PPM1L: variants seen among roughly 807,000 people sequenced by gnomAD.
PPM1L encodes the protein protein phosphatase, Mg2+/Mn2+ dependent 1L.
A neutral mutation model predicts 31.4 loss-of-function variants in PPM1L; 13 were observed. The observed-to-expected ratio is 0.41, with a 90% CI of 0.27 to 0.66. The LOEUF is 0.66. Ranked by LOEUF, PPM1L falls within the 30% of genes least tolerant of loss-of-function variation. PPM1L has a pLI of 0.29. For missense variants in PPM1L, 326 were observed against 453.7 expected, an observed-to-expected ratio of 0.72 and a Z score of 2.56; for synonymous variants, 184 against 175.4, an observed-to-expected ratio of 1.05 and a Z score of -0.39.
At chr3:160,965,109 GGC>G (rs1716096396) in intron 2 of PPM1L, among the ~76,000 whole-genome samples, 1 of 151,678 alleles carries the variant, frequency 6.6e-6, no homozygotes, top group Admixed American at 6.6e-5. Flanking sequence ...AAATTAGCCG[GGC>G]GTGGTGGTGG....
At chr3:160,840,111 C>T (rs1368404223) in intron 1 of PPM1L, among the ~76,000 whole-genome samples, 3 of 152,090 alleles carry the variant, frequency 2.0e-5, no homozygotes, top group Non-Finnish European at 4.4e-5. Context: ...ATGAGTGATC[C>T]AGTAGGAACA....
chr3:160,824,960 T>C (rs1360056510), intron 1 of PPM1L, among the ~76,000 whole-genome samples: 1 of 152,146 alleles, frequency 6.6e-6, no homozygotes, highest in Non-Finnish European at 1.5e-5. Flanking sequence ...ATATTCATAT[T>C]TTAATTTGAC....
chr3:160,937,404 A>G (rs1715007541), intron 1 of PPM1L, among the ~76,000 whole-genome samples: 1 of 152,144 alleles, frequency 6.6e-6, no homozygotes, highest in South Asian at 2.1e-4. Flanking sequence ...GTGGATCACA[A>G]GGTCAGGAGA....
intron 2 of PPM1L, among the ~76,000 whole-genome samples, chr3:161,057,157 A>G (rs1258309594): frequency 1.3e-5 from 2 of 152,160 alleles, no homozygotes; most frequent in African/African-American, 4.8e-5. Flanking sequence ...TAAATAAGGC[A>G]TATAAATAGC....
At chr3:160,827,964 T>A (rs1713406703) in intron 1 of PPM1L, among the ~76,000 whole-genome samples, 1 of 151,024 alleles carries the variant, frequency 6.6e-6, no homozygotes, top group Non-Finnish European at 1.5e-5. Context: ...GCAAGAGAGG[T>A]AGGGGAGAGG....
intron 1 of PPM1L, among the ~76,000 whole-genome samples, chr3:160,912,027 T>G (rs1713992389): frequency 6.6e-6 from 1 of 152,090 alleles, no homozygotes; most frequent in South Asian, 2.1e-4. Context: ...TCAGAAGTAG[T>G]GAGAAAGGAG....
chr3:160,891,977 C>A (rs1713163429), intron 1 of PPM1L, among the ~76,000 whole-genome samples: 1 of 152,010 alleles, frequency 6.6e-6, no homozygotes, highest in African/African-American at 2.4e-5. Flanking sequence ...AGGGGAACAT[C>A]ACACACCGGG....
intron 2 of PPM1L, among the ~76,000 whole-genome samples, chr3:161,018,595 T>G (rs955689335): frequency 6.6e-6 from 1 of 152,316 alleles, no homozygotes; most frequent in South Asian, 2.1e-4. Context: ...TTTAGGAATT[T>G]TGTAGCATTT....
At chr3:160,776,444 C>A (rs1207878693) in intron 1 of PPM1L, among the ~76,000 whole-genome samples, 2 of 152,144 alleles carry the variant, frequency 1.3e-5, no homozygotes, top group African/African-American at 4.8e-5. Flanking sequence ...CTTCCCTTGG[C>A]AGTGTTGAAT....
chr3:160,960,561 TGTG>T (rs1559904356), intron 1 of PPM1L, among the ~76,000 whole-genome samples: 129 of 8,994 alleles, frequency 0.014, 1 homozygote, highest in African/African-American at 0.015. Flanking sequence ...AGCAGTTTTG[TGTG>T]TGTGTGTGTG....
chr3:160,844,872 T>G (rs1221699823), intron 1 of PPM1L, among the ~76,000 whole-genome samples: 1 of 152,052 alleles, frequency 6.6e-6, no homozygotes, highest in East Asian at 1.9e-4. Context: ...AAGCAGAAGC[T>G]TTGTACCCAT....
chr3:160,975,492 T>C (rs1336068908), intron 2 of PPM1L, among the ~76,000 whole-genome samples: 1 of 152,248 alleles, frequency 6.6e-6, no homozygotes, highest in Non-Finnish European at 1.5e-5. Flanking sequence ...ATATTGAGTC[T>C]TCTGACCCAT....
intron 1 of PPM1L, among the ~76,000 whole-genome samples, chr3:160,811,840 A>G (rs914854155): frequency 2.2e-4 from 33 of 152,184 alleles, no homozygotes; most frequent in Admixed American, 3.9e-4. Flanking sequence ...CAGTCAAAAA[A>G]TAGTAGACCA....
chr3:160,914,536 A>G (rs1386564295), intron 1 of PPM1L, among the ~76,000 whole-genome samples: 1 of 147,648 alleles, frequency 6.8e-6, no homozygotes, highest in African/African-American at 2.5e-5. Flanking sequence ...GAGAACATAC[A>G]GTGTTTGGTT....
intron 1 of PPM1L, among the ~76,000 whole-genome samples, chr3:160,811,865 G>A (rs1712818422): frequency 6.6e-6 from 1 of 152,178 alleles, no homozygotes; most frequent in Admixed American, 6.5e-5. Flanking sequence ...TAAAGCCTGT[G>A]GGCAGCTGTA....
At chr3:160,955,804 C>T (rs1382194480) in intron 1 of PPM1L, among the ~76,000 whole-genome samples, 1 of 151,768 alleles carries the variant, frequency 6.6e-6, no homozygotes, top group East Asian at 1.9e-4. Context: ...GTGCCCGCCA[C>T]CACGTCCGGA....
At chr3:160,786,619 G>A (rs2108070487) in intron 1 of PPM1L, among the ~76,000 whole-genome samples, 1 of 151,446 alleles carries the variant, frequency 6.6e-6, no homozygotes, top group East Asian at 1.9e-4. Flanking sequence ...TTTAGGTTCA[G>A]GGGGTACCTG....
intron 1 of PPM1L, among the ~76,000 whole-genome samples, chr3:160,955,522 A>G (rs991627848): frequency 3.2e-4 from 49 of 151,956 alleles, no homozygotes; most frequent in African/African-American, 1.1e-3. Flanking sequence ...CTAGTATTTC[A>G]TGTGTGTTTT....
At chr3:160,780,666 C>T (rs1269134844) in intron 1 of PPM1L, among the ~76,000 whole-genome samples, 2 of 152,116 alleles carry the variant, frequency 1.3e-5, no homozygotes, top group Admixed American at 6.5e-5. Flanking sequence ...ACTCTATATT[C>T]GTCCTCAGGA....
Sources: gnomAD v4.1 joint callset for allele counts (sites outside exome capture counted in the v4.1 genomes callset) on GRCh38, gnomAD v4.1.1 for gene constraint, MANE v1.5 for transcripts, NCBI Gene and HGNC (gene_info 2026-07-23, HGNC 2026-07-21) for gene names.